RIN2: variants seen among roughly 807,000 people sequenced by gnomAD.
The protein encoded by RIN2 is Ras and Rab interactor 2.
A neutral mutation model predicts 78.0 loss-of-function variants in RIN2; 36 were observed. The ratio of observed to expected loss-of-function variants is 0.46; its 90% CI spans 0.35 to 0.61. RIN2 has a LOEUF of 0.61. Among genes scored for constraint, RIN2 ranks in the 20% least tolerant of loss-of-function variants. RIN2 has a pLI of 0.00. For missense variants in RIN2, 1,087 were observed against 1,159.7 expected (o/e 0.94, Z 0.91); for synonymous variants, 466 against 466.8 (o/e 1.00, Z 0.02).
At chr20:19,937,570 G>C (rs1032223827) in intron 4 of RIN2, among the ~76,000 whole-genome samples, 1 of 152,238 alleles carries the variant, frequency 6.6e-6, no homozygotes, top group African/African-American at 2.4e-5. Context: ...AGCTGTGTTA[G>C]TGTTTGGTTG....
chr20:19,941,733 C>T (rs1169794485), intron 4 of RIN2, among the ~76,000 whole-genome samples: 4 of 152,144 alleles, frequency 2.6e-5, no homozygotes, highest in African/African-American at 9.7e-5. Flanking sequence ...CCAGGAGTGT[C>T]CTGAACATGA....
At chr20:19,800,086 C>G (rs956068383) in intron 2 of RIN2, among the ~76,000 whole-genome samples, 1 of 152,166 alleles carries the variant, frequency 6.6e-6, no homozygotes, top group Admixed American at 6.5e-5. Context: ...AACACCACCA[C>G]GAGGTGGGCA....
intron 2 of RIN2, among the ~76,000 whole-genome samples, chr20:19,831,587 T>G (rs148351458): frequency 1.3e-5 from 2 of 152,214 alleles, no homozygotes; most frequent in Admixed American, 1.3e-4. Context: ...TAGACCGAGA[T>G]TGTTTTATGA....
chr20:19,923,585 T>C (rs367974343), intron 3 of RIN2, among the ~76,000 whole-genome samples: 21 of 152,052 alleles, frequency 1.4e-4, no homozygotes, highest in African/African-American at 5.1e-4. Context: ...TGAGACCAGC[T>C]TGGGCAACAC....
At chr20:19,973,449 C>T (rs2042169040) in intron 8 of RIN2, among the ~76,000 whole-genome samples, 1 of 152,180 alleles carries the variant, frequency 6.6e-6, no homozygotes, top group Admixed American at 6.5e-5. Flanking sequence ...CCATTCTGGG[C>T]CCATGGGAAA....
At chr20:19,889,890 T>C (rs2038368164) in intron 3 of RIN2, among the ~76,000 whole-genome samples, 1 of 152,208 alleles carries the variant, frequency 6.6e-6, no homozygotes, top group African/African-American at 2.4e-5. Flanking sequence ...GGGGCCGTGC[T>C]GTGCAAGACG....
chr20:19,850,740 G>A (rs2036932804), intron 2 of RIN2, among the ~76,000 whole-genome samples: 1 of 152,088 alleles, frequency 6.6e-6, no homozygotes, highest in African/African-American at 2.4e-5. Flanking sequence ...CGAGGCTGGT[G>A]GATCATTTGG....
intron 3 of RIN2, among the ~76,000 whole-genome samples, chr20:19,930,101 G>A (rs1031188701): frequency 1.3e-5 from 2 of 152,026 alleles, no homozygotes; most frequent in Admixed American, 1.3e-4. Flanking sequence ...CTGGGGCTGG[G>A]GGGGATGCGA....
intron 1 of RIN2, among the ~76,000 whole-genome samples, chr20:19,761,208 T>C (rs77693690): frequency 0.017 from 2,661 of 152,316 alleles, 60 homozygotes; most frequent in East Asian, 0.11. Flanking sequence ...GGTGAGGAAA[T>C]GAAAGCCTAA....
At position 19,996,676 on chromosome 20, in the gene RIN2, C is replaced by T. The variant is rs1359659216; in HGVS notation, c.2201-3C>T. The T allele has an allele frequency of 2.5e-6, 4 of 1,614,038 alleles. No individual in the cohort carries two copies. In the South Asian group the frequency reaches 4.4e-5, roughly 18 times the overall value. On this transcript the variant is annotated splice_polypyrimidine_tract_variant and splice_region_variant and intron_variant, in intron 11 of 12. Coordinates refer to ENST00000255006, the MANE Select transcript of RIN2 (RefSeq NM_018993.4). ...GAGGACCCACTCTTTCTGCTCTTTT[C>T]AGGAGGCTATTACTTGACAAGCGCA...
chr20:19,920,805 A>G (rs1411718901), intron 3 of RIN2, among the ~76,000 whole-genome samples: 1 of 152,106 alleles, frequency 6.6e-6, no homozygotes, highest in Non-Finnish European at 1.5e-5. Context: ...GCCCCTGAGT[A>G]GCTGGGACTA....
At chr20:19,889,432 C>A in intron 2 of RIN2, 134 bp from the exon 3 acceptor site, 1 of 1,140,556 alleles carries the variant, frequency 8.8e-7, no homozygotes, top group Non-Finnish European at 1.2e-6. Flanking sequence ...GATGTAAGGC[C>A]TTGGTGGGAA....
At chr20:19,866,765 C>T (rs1343599159) in intron 2 of RIN2, among the ~76,000 whole-genome samples, 1 of 152,096 alleles carries the variant, frequency 6.6e-6, no homozygotes, top group Non-Finnish European at 1.5e-5. Flanking sequence ...GCTGGGATTA[C>T]AGGCAGGCAC....
At chr20:19,854,960 G>A (rs1443690810) in intron 2 of RIN2, among the ~76,000 whole-genome samples, 1 of 152,148 alleles carries the variant, frequency 6.6e-6, no homozygotes, top group Non-Finnish European at 1.5e-5. Flanking sequence ...TCTTGTGCCA[G>A]TTTTCAAAGG....
At chr20:19,882,547 A>G (rs74731147) in intron 2 of RIN2, among the ~76,000 whole-genome samples, 1,760 of 152,314 alleles carry the variant, frequency 0.012, 29 homozygotes, top group African/African-American at 0.041. Context: ...CTCAACTGCT[A>G]ACAGGTTGAT....
rs543268135 is a variant in RIN2 at position 19,993,806 on chromosome 20, T to C, written c.2200+1507T>C. On this transcript the variant is annotated intron_variant, in intron 11 of 12. Transcript: ENST00000255006. ...CATAGCATGCTTTCCTTCCTTCCAC[T>C]GTAATGTTTGTTATTAATACAGTTT... 2.6e-5 allele frequency among the ~76,000 whole-genome samples: 4 copies of C among 152,328 alleles called. No individual in the cohort carries two copies. In the South Asian group the frequency reaches 8.3e-4, roughly 32 times the overall value.
intron 2 of RIN2, among the ~76,000 whole-genome samples, chr20:19,842,584 A>C (rs551303432): frequency 6.6e-6 from 1 of 151,306 alleles, no homozygotes; most frequent in East Asian, 1.9e-4. Context: ...TTTTAATCCC[A>C]CTGTTGAGAC....
intron 2 of RIN2, among the ~76,000 whole-genome samples, chr20:19,848,439 G>A (rs1378819304): frequency 5.3e-5 from 8 of 151,374 alleles, no homozygotes; most frequent in African/African-American, 1.9e-4. Flanking sequence ...GGGAGGCTGA[G>A]GCAGGAGAAT....
At chr20:19,773,477 G>A (rs1199257214) in intron 1 of RIN2, among the ~76,000 whole-genome samples, 1 of 152,136 alleles carries the variant, frequency 6.6e-6, no homozygotes, top group East Asian at 1.9e-4. Context: ...AAAGGGCTGG[G>A]TGTGAGTTGC....
Sources: allele counts gnomAD v4.1 joint callset (sites outside exome capture counted in the v4.1 genomes callset), GRCh38; gene constraint gnomAD v4.1.1; transcripts MANE v1.5; gene names NCBI Gene and HGNC (gene_info 2026-07-23, HGNC 2026-07-21).